Variants in MIA2 observed in about 807,000 individuals in gnomAD.
The protein encoded by MIA2 is melanoma inhibitory activity protein 2.
Under a neutral mutation model 167.8 loss-of-function variants are expected in MIA2, and 127 were observed. The ratio of observed to expected loss-of-function variants is 0.76; its 90% confidence interval spans 0.66 to 0.88. The LOEUF (loss-of-function observed/expected upper bound fraction) is 0.88. MIA2 is among the 40% of genes least tolerant of loss of function. MIA2 has a pLI of 0.00. For missense variants in MIA2, 1,690 were observed against 1,624.7 expected, an observed-to-expected ratio of 1.04 and a Z score of -0.69; for synonymous variants, 552 against 541.9, an observed-to-expected ratio of 1.02 and a Z score of -0.26.
chr14:39,315,030 C>T lies in MIA2; in HGVS notation c.3180+231C>T, dbSNP rs574538794. Reference sequence around the variant, plus strand: ...GGGTGCAGTGGCTCACACCAGTAATCCCAGCACTTTGGGAAGCCGAAGTGG... The same window carrying T: ...GGGTGCAGTGGCTCACACCAGTAATTCCAGCACTTTGGGAAGCCGAAGTGG... On this transcript the variant is annotated intron_variant, in intron 20 of 28. Transcript: ENST00000640607. 1.7e-3 allele frequency: 608 copies of T among 359,584 alleles called. 3 individuals carry two copies. The highest frequency in any genetic ancestry group is 2.7e-3 in the Non-Finnish European group (550 of 205,282). 22.3% of individuals were successfully genotyped at this position (359,584 alleles called of 1,614,324 possible).
chr14:39,238,811 A>AAAAAAAACAAAAAAAC, intron 2 of MIA2, among the ~76,000 whole-genome samples: 1 of 103,608 alleles, frequency 9.7e-6, no homozygotes, highest in African/African-American at 3.9e-5. Flanking sequence ...AAAAAAAAAA[A>AAAAAAAACAAAAAAAC]CCCAAAAAAC....
rs149905617 is a variant in MIA2, at chr14:39,326,982, T to C, written c.3615T>C (p.Pro1205=). Residue 1205 remains proline, a synonymous_variant, in exon 25 of 29, where the codon CCT becomes CCC. Coordinates refer to ENST00000640607, the MANE Select transcript of MIA2 (RefSeq NM_001329214.4). ...CCTCTGACACTGGGTCTCTGTCACC[T>C]CCATGGGACCAGGACCGTAGGATGA... ...RAPSDTGSLS[P]PWDQDRRMMF... is the part of the protein sequence containing the mutation. 2 of 1,575,614 alleles carry C rather than the reference T, an allele frequency of 1.3e-6. No homozygotes were observed. The highest frequency in any genetic ancestry group is 1.2e-5 in the South Asian group (1 of 84,224).
intron 13 of MIA2, among the ~76,000 whole-genome samples, chr14:39,299,232 T>A (rs964051762): frequency 6.6e-6 from 1 of 151,508 alleles, no homozygotes; most frequent in African/African-American, 2.4e-5. Flanking sequence ...AGAAAGGCTT[T>A]CCTTTCCTGT....
intron 25 of MIA2, among the ~76,000 whole-genome samples, chr14:39,337,923 A>AT (rs1263294705): frequency 6.6e-6 from 1 of 152,048 alleles, no homozygotes; most frequent in Non-Finnish European, 1.5e-5. Flanking sequence ...GGGTTTTGCC[A>AT]TTTTAGCCAG....
chr14:39,234,291 T>A (rs145032966), intron 1 of MIA2, 62 bp downstream of exon 1: 1 of 1,082,172 alleles, frequency 9.2e-7, no homozygotes, highest in East Asian at 2.5e-5. Flanking sequence ...ACATAAAATC[T>A]TATTGTGGTC....
intron 6 of MIA2, chr14:39,266,804 G>A: frequency 1.0e-6 from 1 of 958,748 alleles, no homozygotes; most frequent in Non-Finnish European, 1.2e-6. Flanking sequence ...GAAAGCCTTG[G>A]GTGTCGGGGC....
intron 23 of MIA2, among the ~76,000 whole-genome samples, chr14:39,361,148 A>T (rs1035806445): frequency 6.6e-6 from 1 of 152,122 alleles, no homozygotes; most frequent in Non-Finnish European, 1.5e-5. Flanking sequence ...TTGGTTTCAT[A>T]TGAATTTTAG....
rs3065036 is a variant in MIA2, at chr14:39,269,074, G to GTTTTTTTTTTTTT, written c.1888-7847_1888-7835dup. 1.8e-3 allele frequency: 1,072 copies of GTTTTTTTTTTTTT among 583,088 alleles called. 105 individuals carry two copies. The highest frequency in any genetic ancestry group is 2.0e-3 in the Non-Finnish European group (980 of 497,046). 36.1% of individuals were successfully genotyped at this position (583,088 alleles called of 1,614,324 possible). The stretch of plus-strand genomic sequence containing the variant: ...GGTGCGTTGTATCTTCACCTGCACA[G>GTTTTTTTTTTTTT]TTTTTTTTTTTTTTTTTTTTTTTTT... On this transcript the variant is annotated intron_variant, in intron 6 of 28. Transcript: ENST00000640607.
At chr14:39,256,982 C>G (rs143184857) in intron 6 of MIA2, among the ~76,000 whole-genome samples, 3 of 152,078 alleles carry the variant, frequency 2.0e-5, no homozygotes, top group Non-Finnish European at 4.4e-5. Context: ...GAGACTGTTA[C>G]GATTTCCATT....
intron 24 of MIA2, among the ~76,000 whole-genome samples, chr14:39,324,614 A>AT (rs1356024857): frequency 8.0e-4 from 119 of 147,892 alleles, no homozygotes; most frequent in South Asian, 1.5e-3. Context: ...TTTTTTTTTT[A>AT]TTTTTTTTTT....
rs150225448 is a variant in MIA2, at chr14:39,348,904, A to G, written c.3999A>G (p.Gly1333=). The G allele has an allele frequency of 6.4e-5, 104 of 1,613,970 alleles. No homozygotes were observed. Among genetic ancestry groups the G allele is most frequent in the Non-Finnish European group, 7.8e-5 (92 of 1,179,996 alleles). ...CTCCTTTCCCCCCACCTCCTCCAGG[A>G]GCCATGTTTGGAGCTTCTCGAGATT... ...RGPPFPPPPP[G]AMFGASRDYF... Residue 1333 remains glycine, a synonymous_variant, in exon 28 of 29, where the codon GGA becomes GGG. Coordinates refer to ENST00000640607, the MANE Select transcript of MIA2 (RefSeq NM_001329214.4).
chr14:39,337,235 A>G lies in MIA2; in HGVS notation c.3656-8669A>G, dbSNP rs572170318. On this transcript the variant is annotated intron_variant, in intron 25 of 28. Coordinates refer to ENST00000640607, the MANE Select transcript of MIA2 (RefSeq NM_001329214.4). ...ATCGAAAGAAAATGAGGTCAAGAAG[A>G]TATAGCAAATGTTAAATGTGTGTAT... is the stretch of plus-strand genomic sequence containing the variant. Among the ~76,000 whole-genome samples, 94 of 152,370 alleles carry G rather than the reference A, an allele frequency of 6.2e-4. 1 individual carries two copies. Among genetic ancestry groups the G allele is most frequent in the African/African-American group, 1.9e-3 (79 of 41,598 alleles).
chr14:39,319,173 A>T (rs766293403), intron 22 of MIA2, 36 bp from the exon 23 acceptor site: 2 of 1,242,610 alleles, frequency 1.6e-6, no homozygotes, highest in Non-Finnish European at 2.2e-6. Context: ...CTTCTCTTGG[A>T]TGAGTAACTT....
intron 21 of MIA2, 96 bp from the exon 22 acceptor site, chr14:39,317,848 T>TA: frequency 1.3e-6 from 1 of 753,844 alleles, no homozygotes; most frequent in South Asian, 2.0e-5. Flanking sequence ...TATATATATA[T>TA]TTTTAAGAAA....
intron 23 of MIA2, among the ~76,000 whole-genome samples, chr14:39,360,670 C>T (rs1025363515): frequency 1.3e-5 from 2 of 152,058 alleles, no homozygotes; most frequent in African/African-American, 4.8e-5. Context: ...ATTATAGTCC[C>T]ATCTGTCCAT....
At chr14:39,373,305 C>A (rs1291207260) in intron 23 of MIA2, among the ~76,000 whole-genome samples, 5 of 74,826 alleles carry the variant, frequency 6.7e-5, no homozygotes, top group African/African-American at 1.0e-4. Flanking sequence ...AAATTCTTGG[C>A]CAAAAAAAAA....
chr14:39,247,232 G>A lies in MIA2; in HGVS notation c.658G>A (p.Val220Met), dbSNP rs1304206858. ...PEVHVPPSSA[V>M]SGVKEWFGLG... Reference sequence around the variant, plus strand: ...AGTGCATGTCCCACCATCTTCAGCTGTGTCTGGAGTCAAAGAATGGTTTGG... The same window carrying A: ...AGTGCATGTCCCACCATCTTCAGCTATGTCTGGAGTCAAAGAATGGTTTGG... Residue 220 changes from valine (V) to methionine (M), a missense_variant, in exon 4 of 29, where the codon GTG becomes ATG. By Grantham distance (21) the Val-to-Met change is conservative. Transcript: ENST00000640607. 15 of 1,614,010 alleles carry A rather than the reference G, an allele frequency of 9.3e-6. No homozygotes were observed. The highest frequency in any genetic ancestry group is 8.5e-7 in the Non-Finnish European group (1 of 1,180,036).
intron 9 of MIA2, among the ~76,000 whole-genome samples, chr14:39,285,464 G>A (rs1355609661): frequency 1.4e-5 from 2 of 146,096 alleles, no homozygotes; most frequent in Admixed American, 6.7e-5. Flanking sequence ...GCGGCTGGCC[G>A]GGCGGGGGCT....
intron 17 of MIA2, among the ~76,000 whole-genome samples, chr14:39,306,310 C>A (rs1240020468): frequency 2.0e-5 from 3 of 152,134 alleles, no homozygotes; most frequent in Admixed American, 2.0e-4. Context: ...GTTTAACTGG[C>A]TCATGGTTTT....
Sources: allele counts gnomAD v4.1 joint callset (sites outside exome capture counted in the v4.1 genomes callset), GRCh38; gene constraint gnomAD v4.1.1; transcripts MANE v1.5; gene names NCBI Gene and HGNC (gene_info 2026-07-23, HGNC 2026-07-21).